The following SLC39A11 variants were observed in gnomAD, a reference collection of about 807,000 sequenced individuals.
SLC39A11 encodes the protein solute carrier family 39 member 11.
SLC39A11 carries 33 observed loss-of-function variants against 36.1 expected under a neutral mutation model. That is an observed-to-expected ratio of 0.91 (90% confidence interval 0.69 to 1.22). SLC39A11 has a LOEUF of 1.22. SLC39A11 is among the 50% of genes most tolerant of loss of function. The pLI is 0.00. For synonymous variants in SLC39A11, 166 were observed against 170.3 expected (o/e 0.97, Z 0.20); for missense variants, 432 against 430.3 (o/e 1.00, Z -0.03).
intron 7 of SLC39A11, among the ~76,000 whole-genome samples, chr17:72,729,291 C>T (rs1464768032): frequency 1.4e-5 from 2 of 146,924 alleles, no homozygotes; most frequent in African/African-American, 2.5e-5. Flanking sequence ...GGATGGAGTG[C>T]AGTGGCACGA....
chr17:73,048,952 C>T (rs142182245), intron 3 of SLC39A11, among the ~76,000 whole-genome samples: 2 of 152,160 alleles, frequency 1.3e-5, no homozygotes, highest in Non-Finnish European at 2.9e-5. Context: ...AGATGTGCTG[C>T]GTGACCAGAT....
chr17:72,652,535 A>G (rs1221593566), intron 7 of SLC39A11, among the ~76,000 whole-genome samples: 1 of 152,212 alleles, frequency 6.6e-6, no homozygotes, highest in Non-Finnish European at 1.5e-5. Flanking sequence ...GCACGTAATC[A>G]ATGCCTGTCC....
Position 72,867,757 on chromosome 17 carries a change from C to T in SLC39A11, c.431-17953G>A, listed in dbSNP as rs559775772. 3.8e-3 allele frequency among the ~76,000 whole-genome samples: 477 copies of T among 124,356 alleles called. 3 individuals carry two copies. Among genetic ancestry groups the T allele is most frequent in the African/African-American group, 0.019 (451 of 23,754 alleles). 81.6% of individuals were successfully genotyped at this position (124,356 alleles called of 152,430 possible). On this transcript the variant is annotated intron_variant, in intron 5 of 9. Transcript: ENST00000255559. ...CCCCTGGTGTGTTGAATGAAGTGCG[C>T]GCGCACACACACACACACACACACA...
At chr17:72,819,474 T>C (rs941058213) in intron 6 of SLC39A11, among the ~76,000 whole-genome samples, 1 of 151,198 alleles carries the variant, frequency 6.6e-6, no homozygotes, top group African/African-American at 2.4e-5. Context: ...CCTAAGAAAC[T>C]AATATGAAAG....
chr17:73,068,844 G>A (rs1054584257), intron 3 of SLC39A11, among the ~76,000 whole-genome samples: 1 of 152,030 alleles, frequency 6.6e-6, no homozygotes, highest in Non-Finnish European at 1.5e-5. Flanking sequence ...GCACACGCAT[G>A]GCCAGTCCAT....
chr17:72,844,744 A>C (rs944011216), intron 6 of SLC39A11, among the ~76,000 whole-genome samples: 33 of 152,184 alleles, frequency 2.2e-4, no homozygotes, highest in Non-Finnish European at 2.6e-4. Flanking sequence ...TAGACTTTGC[A>C]AGCCAACTCC....
At chr17:72,837,181 C>G (rs62071207) in intron 6 of SLC39A11, among the ~76,000 whole-genome samples, 22,013 of 151,908 alleles carry the variant, frequency 0.14, 1,747 homozygotes, top group Middle Eastern at 0.19. Flanking sequence ...TGCAGCTGTC[C>G]GCAGACTTTT....
At chr17:72,751,112 G>A (rs781430871) in intron 6 of SLC39A11, among the ~76,000 whole-genome samples, 2 of 152,190 alleles carry the variant, frequency 1.3e-5, no homozygotes, top group African/African-American at 4.8e-5. Flanking sequence ...GACGAGCGTG[G>A]TGGTGGGCGC....
chr17:72,663,531 T>A (rs1378065215), intron 7 of SLC39A11, among the ~76,000 whole-genome samples: 1 of 152,178 alleles, frequency 6.6e-6, no homozygotes, highest in African/African-American at 2.4e-5. Context: ...AGAATCACTA[T>A]CCTCACTTCT....
intron 4 of SLC39A11, among the ~76,000 whole-genome samples, chr17:72,993,888 T>C (rs932200809): frequency 3.9e-5 from 6 of 152,104 alleles, no homozygotes; most frequent in African/African-American, 1.4e-4. Flanking sequence ...CCCACCCAAA[T>C]CTCATCTTGA....
chr17:72,893,450 A>T (rs1217385027), intron 5 of SLC39A11, among the ~76,000 whole-genome samples: 1 of 151,062 alleles, frequency 6.6e-6, no homozygotes, highest in Non-Finnish European at 1.5e-5. Context: ...ACACAGCAAG[A>T]CTGTCTCAGG....
At chr17:73,062,782 T>G (rs1401949560) in intron 3 of SLC39A11, among the ~76,000 whole-genome samples, 1 of 152,138 alleles carries the variant, frequency 6.6e-6, no homozygotes, top group Non-Finnish European at 1.5e-5. Context: ...CTGTTCCACC[T>G]CAAATCATCA....
intron 5 of SLC39A11, among the ~76,000 whole-genome samples, chr17:72,919,623 G>T (rs973197208): frequency 1.4e-5 from 2 of 143,006 alleles, no homozygotes; most frequent in African/African-American, 2.6e-5. Context: ...AGTGAGCCGA[G>T]ATCGTGCCAC....
At chr17:72,834,072 TA>T (rs1410422483) in intron 6 of SLC39A11, among the ~76,000 whole-genome samples, 1 of 150,624 alleles carries the variant, frequency 6.6e-6, no homozygotes, top group African/African-American at 2.5e-5. Flanking sequence ...GGGTAGGCAC[TA>T]CACAACAAAC....
At chr17:73,039,806 C>G (rs2059050887) in intron 3 of SLC39A11, among the ~76,000 whole-genome samples, 1 of 152,088 alleles carries the variant, frequency 6.6e-6, no homozygotes, top group South Asian at 2.1e-4. Flanking sequence ...TTTAGGAGAC[C>G]ATTTAATCTA....
intron 5 of SLC39A11, among the ~76,000 whole-genome samples, chr17:72,872,857 C>A (rs927856298): frequency 1.3e-5 from 2 of 151,882 alleles, no homozygotes; most frequent in African/African-American, 2.4e-5. Flanking sequence ...GAGATCGAGA[C>A]CACCCTGGCT....
At chr17:73,056,199 C>T (rs1452248900) in intron 3 of SLC39A11, among the ~76,000 whole-genome samples, 1 of 151,352 alleles carries the variant, frequency 6.6e-6, no homozygotes, top group African/African-American at 2.4e-5. Context: ...GACGGAGTCT[C>T]GCTCTGTCAC....
At chr17:72,703,487 G>A (rs1254511191) in intron 7 of SLC39A11, among the ~76,000 whole-genome samples, 1 of 152,118 alleles carries the variant, frequency 6.6e-6, no homozygotes, top group African/African-American at 2.4e-5. Context: ...TAACATGGGG[G>A]GTTGGGGGGC....
chr17:72,837,102 T>A (rs111499236), intron 6 of SLC39A11, among the ~76,000 whole-genome samples: 1 of 152,110 alleles, frequency 6.6e-6, no homozygotes, highest in South Asian at 2.1e-4. Context: ...ACGGGGAGAC[T>A]GCACAAGGGC....
Sources: gnomAD v4.1 joint callset for allele counts (sites outside exome capture counted in the v4.1 genomes callset) on GRCh38, gnomAD v4.1.1 for gene constraint, MANE v1.5 for transcripts, NCBI Gene and HGNC (gene_info 2026-07-23, HGNC 2026-07-21) for gene names.